MND1: variants seen among roughly 807,000 people sequenced by gnomAD.
The protein encoded by MND1 is meiotic nuclear divisions 1.
In MND1, 28 loss-of-function variants were observed where a neutral mutation model predicts 35.1. The observed-to-expected ratio is 0.80, with a 90% CI of 0.59 to 1.09. MND1 has a LOEUF of 1.09. Among genes scored for constraint, MND1 ranks in the 50% least tolerant of loss-of-function variants. The pLI is 0.00. For synonymous variants in MND1, 69 were observed against 70.5 expected (o/e 0.98, Z 0.11); for missense variants, 213 against 239.6 (o/e 0.89, Z 0.73).
chr4:153,373,838 AC>A, intron 4 of MND1, among the ~76,000 whole-genome samples: 1 of 152,310 alleles, frequency 6.6e-6, no homozygotes, highest in East Asian at 1.9e-4. Context: ...AAATAAAATG[AC>A]CCTAATGCCA....
intron 2 of MND1, among the ~76,000 whole-genome samples, chr4:153,350,975 A>G (rs1158256864): frequency 4.6e-5 from 7 of 151,636 alleles, no homozygotes; most frequent in Non-Finnish European, 8.8e-5. Flanking sequence ...AAAAACAAAC[A>G]AAATACACGG....
chr4:153,411,029 G>T (rs912295438), intron 7 of MND1, among the ~76,000 whole-genome samples: 1 of 152,052 alleles, frequency 6.6e-6, no homozygotes, highest in Non-Finnish European at 1.5e-5. Flanking sequence ...CTAGAATTGA[G>T]AATATATACT....
chr4:153,364,742 C>T (rs1013529224), intron 4 of MND1, among the ~76,000 whole-genome samples: 1 of 152,140 alleles, frequency 6.6e-6, no homozygotes, highest in African/African-American at 2.4e-5. Context: ...GATAGAGTCT[C>T]ACCCTGTTGC....
At chr4:153,389,212 G>A (rs901754915) in intron 4 of MND1, among the ~76,000 whole-genome samples, 2 of 152,126 alleles carry the variant, frequency 1.3e-5, no homozygotes, top group Non-Finnish European at 2.9e-5. Context: ...GCTTTAAACT[G>A]TCTTCAGCTT....
intron 6 of MND1, among the ~76,000 whole-genome samples, chr4:153,404,631 C>T (rs567231192): frequency 2.0e-5 from 3 of 151,758 alleles, no homozygotes; most frequent in African/African-American, 4.8e-5. Context: ...CTCACCACCA[C>T]GCCTGGCTAA....
At chr4:153,367,757 C>T (rs1171902155) in intron 4 of MND1, among the ~76,000 whole-genome samples, 1 of 152,180 alleles carries the variant, frequency 6.6e-6, no homozygotes, top group Non-Finnish European at 1.5e-5. Context: ...ATGTGAAGAA[C>T]TGCCAGACTG....
intron 2 of MND1, among the ~76,000 whole-genome samples, chr4:153,352,072 CAT>C (rs1456233081): frequency 1.3e-5 from 2 of 152,104 alleles, no homozygotes; most frequent in Non-Finnish European, 2.9e-5. Flanking sequence ...AATGACAACT[CAT>C]AGAGAGGGTA....
chr4:153,345,698 G>A (rs940079731), intron 1 of MND1, among the ~76,000 whole-genome samples: 6 of 152,230 alleles, frequency 3.9e-5, no homozygotes, highest in Admixed American at 2.0e-4. Flanking sequence ...GGCAGGGTGG[G>A]ACACCAGGAT....
rs561004288 is a variant in MND1 at position 153,384,443 on chromosome 4, ATTTTTTTTTTTTT to A, written c.277-9802_277-9790del. 3.3e-4 allele frequency among the ~76,000 whole-genome samples: 21 copies of A among 63,190 alleles called. 1 individual carries two copies. In the Middle Eastern group the frequency reaches 0.035, roughly 105 times the overall value. 41.5% of individuals were successfully genotyped at this position (63,190 alleles called of 152,430 possible). A position where few individuals can be genotyped will look rare whatever the true frequency, so the allele number is the denominator to read the frequency against. On this transcript the variant is annotated intron_variant, in intron 4 of 7. Transcript: ENST00000240488. ...TGCCACCATGCCCAGCTAATGTTTA[ATTTTTTTTTTTTT>A]TTTTTTTTTTTTTTTTGTCAGAGAT...
chr4:153,371,715 C>T (rs1773792675), intron 4 of MND1, among the ~76,000 whole-genome samples: 3 of 152,046 alleles, frequency 2.0e-5, no homozygotes, highest in Admixed American at 6.5e-5. Flanking sequence ...CTCAGCAATA[C>T]GGCTGTTTTG....
At position 153,399,696 on chromosome 4, in the gene MND1, TGAG is replaced by T. The variant is rs1028310634; in HGVS notation, c.466+2368_466+2370del. The stretch of plus-strand genomic sequence containing the variant: ...TTTCTGGAGGGTGGAATAACACAGT[TGAG>T]GAGGCGGCAACTGAAATTTTAAACT... On this transcript the variant is annotated intron_variant, in intron 6 of 7. Coordinates refer to ENST00000240488, the MANE Select transcript of MND1 (RefSeq NM_032117.4). Among the ~76,000 whole-genome samples, 5 of 152,230 alleles carry T rather than the reference TGAG, an allele frequency of 3.3e-5. No homozygotes were observed. In the South Asian group the frequency reaches 6.2e-4, roughly 19 times the overall value.
chr4:153,400,106 C>T (rs990714318), intron 6 of MND1, among the ~76,000 whole-genome samples: 29 of 151,782 alleles, frequency 1.9e-4, no homozygotes, highest in African/African-American at 5.8e-4. Context: ...GATGGTGTCT[C>T]GCTATATTGC....
At chr4:153,363,068 A>G (rs1773534241) in intron 4 of MND1, 9 of 955,594 alleles carry the variant, frequency 9.4e-6, no homozygotes, top group Non-Finnish European at 1.1e-5. Context: ...TGGTACTTTG[A>G]GCTATATGCT....
At chr4:153,407,260 T>A (rs1192968395) in intron 6 of MND1, among the ~76,000 whole-genome samples, 1 of 152,204 alleles carries the variant, frequency 6.6e-6, no homozygotes, top group East Asian at 1.9e-4. Flanking sequence ...GGTTGGGACT[T>A]GGAGACCAGC....
At chr4:153,373,410 G>C (rs956425016) in intron 4 of MND1, among the ~76,000 whole-genome samples, 7 of 152,106 alleles carry the variant, frequency 4.6e-5, no homozygotes, top group African/African-American at 1.7e-4. Flanking sequence ...TGAGGGAAAA[G>C]GTCAAATATA....
intron 4 of MND1, among the ~76,000 whole-genome samples, chr4:153,369,417 G>A (rs1305000814): frequency 3.9e-5 from 6 of 152,124 alleles, no homozygotes; most frequent in Non-Finnish European, 8.8e-5. Flanking sequence ...GATATTGCAG[G>A]TTCAGTTCCA....
chr4:153,396,487 G>A (rs963514823), intron 5 of MND1, among the ~76,000 whole-genome samples: 5 of 152,170 alleles, frequency 3.3e-5, no homozygotes, highest in African/African-American at 4.8e-5. Context: ...ACTTGATTTT[G>A]CCTCGGATTT....
chr4:153,373,047 A>G (rs1193098860), intron 4 of MND1, among the ~76,000 whole-genome samples: 1 of 150,262 alleles, frequency 6.7e-6, no homozygotes, highest in Non-Finnish European at 1.5e-5. Flanking sequence ...AGCATGGCAT[A>G]TCTTTTTCTG....
chr4:153,408,468 G>A (rs532505269), intron 6 of MND1, among the ~76,000 whole-genome samples: 14 of 150,026 alleles, frequency 9.3e-5, no homozygotes, highest in Non-Finnish European at 1.9e-4. Context: ...TTGATAGCAC[G>A]ATGTGTATTT....
Sources: gnomAD v4.1 joint callset for allele counts (sites outside exome capture counted in the v4.1 genomes callset) on GRCh38, gnomAD v4.1.1 for gene constraint, MANE v1.5 for transcripts, NCBI Gene and HGNC (gene_info 2026-07-23, HGNC 2026-07-21) for gene names.